The following OGDH variants were observed in gnomAD, a reference collection of about 807,000 sequenced individuals.
OGDH encodes oxoglutarate dehydrogenase, also known as 2-oxoglutarate dehydrogenase complex component E1.
Under a neutral mutation model 116.6 loss-of-function variants are expected in OGDH, and 38 were observed. The observed-to-expected ratio is 0.33, with a 90% CI of 0.25 to 0.43. OGDH has a LOEUF of 0.43. Among genes scored for constraint, OGDH ranks in the 20% least tolerant of loss-of-function variants. The pLI is 1.00. For synonymous variants in OGDH, 488 were observed against 533.3 expected (o/e 0.92, Z 1.17); for missense variants, 825 against 1,357.2 (o/e 0.61, Z 6.16).
chr7:44,655,356 G>A (rs1463428058), intron 4 of OGDH, among the ~76,000 whole-genome samples: 1 of 152,196 alleles, frequency 6.6e-6, no homozygotes, highest in African/African-American at 2.4e-5. Context: ...GTTCTTCAGT[G>A]GTTGTTGTTC....
At chr7:44,640,207 A>G (rs192331230) in intron 2 of OGDH, among the ~76,000 whole-genome samples, 7 of 152,296 alleles carry the variant, frequency 4.6e-5, no homozygotes, top group African/African-American at 1.4e-4. Flanking sequence ...AGGTTAAGCT[A>G]GGGTAAGAGG....
intron 4 of OGDH, among the ~76,000 whole-genome samples, chr7:44,649,817 A>G (rs1471708727): frequency 6.6e-6 from 1 of 152,204 alleles, no homozygotes; most frequent in South Asian, 2.1e-4. Flanking sequence ...GAATCTGGGA[A>G]TCTCTTCCCA....
chr7:44,653,674 C>T lies in OGDH; in HGVS notation c.517+5915C>T, dbSNP rs1213520350. On this transcript the variant is annotated intron_variant, in intron 4 of 22. Coordinates refer to ENST00000222673, the MANE Select transcript of OGDH (RefSeq NM_002541.4). Reference sequence around the variant, plus strand: ...CTGAGTAGCTGAGACTACAGGCATGCGCCACCACACCAGGCTAATTTTTGT... The same window carrying T: ...CTGAGTAGCTGAGACTACAGGCATGTGCCACCACACCAGGCTAATTTTTGT... Among the ~76,000 whole-genome samples, 13 of 151,924 alleles carry T rather than the reference C, an allele frequency of 8.6e-5. No homozygotes were observed. In the East Asian group the frequency reaches 1.2e-3, roughly 14 times the overall value.
intron 4 of OGDH, among the ~76,000 whole-genome samples, chr7:44,658,793 G>T (rs753754527): frequency 1.8e-4 from 27 of 151,932 alleles, no homozygotes; most frequent in Non-Finnish European, 3.4e-4. Context: ...ATTGAATTTT[G>T]TCAGATGTTT....
intron 2 of OGDH, among the ~76,000 whole-genome samples, chr7:44,640,926 G>A (rs1785904408): frequency 1.3e-5 from 2 of 149,644 alleles, no homozygotes; most frequent in Non-Finnish European, 1.5e-5. Flanking sequence ...ACAGAGTCTC[G>A]CTCTGTCGCC....
At chr7:44,695,138 C>T (rs1788525525) in intron 12 of OGDH, among the ~76,000 whole-genome samples, 1 of 152,092 alleles carries the variant, frequency 6.6e-6, no homozygotes, top group Non-Finnish European at 1.5e-5. Context: ...CTCTGTCACC[C>T]AGGCTGGAGT....
Position 44,666,732 on chromosome 7 carries a change from G to A in OGDH, c.518-4G>A, listed in dbSNP as rs763912128. ...TGGCTTGTCCTGCCCACATCGCCCT[G>A]CAGGGTTCTATGGCCTGGATGAGTC... On this transcript the variant is annotated splice_polypyrimidine_tract_variant and splice_region_variant and intron_variant, in intron 4 of 22. Transcript: ENST00000222673. The A allele has an allele frequency of 6.3e-7, 1 of 1,596,080 alleles. No individual in the cohort carries two copies. Among genetic ancestry groups the A allele is most frequent in the Non-Finnish European group, 8.6e-7 (1 of 1,167,934 alleles).
chr7:44,612,280 C>T lies in OGDH; in HGVS notation c.-28+5627C>T, dbSNP rs1220446693. On this transcript the variant is annotated intron_variant, in intron 1 of 22. Coordinates refer to ENST00000222673, the MANE Select transcript of OGDH (RefSeq NM_002541.4). ...TTTGTGTCTATCCCATCACCAATAC[C>T]GAGAGTTTTTATTATTGTAGCTCAT... is the stretch of plus-strand genomic sequence containing the variant. 3.3e-5 allele frequency among the ~76,000 whole-genome samples: 5 copies of T among 152,086 alleles called. No individual in the cohort carries two copies. In the East Asian group the frequency reaches 5.8e-4, roughly 18 times the overall value.
In OGDH at chr7:44,708,265, C is replaced by T. The variant is rs1041842190; in HGVS notation, c.*266C>T. ...GAGCAGGAGGAGGAAAGGTAGCCCC[C>T]GAGGGATGTCCTTGGGGAGGGGTCA... is the stretch of plus-strand genomic sequence containing the variant. On this transcript the variant is annotated 3_prime_UTR_variant, in exon 23 of 23. Coordinates refer to ENST00000222673, the MANE Select transcript of OGDH (RefSeq NM_002541.4). 1.7e-5 allele frequency: 7 copies of T among 419,650 alleles called. No individual in the cohort carries two copies. The highest frequency in any genetic ancestry group is 1.4e-4 in the South Asian group (5 of 35,302). 26.0% of individuals were successfully genotyped at this position (419,650 alleles called of 1,614,324 possible).
At chr7:44,657,264 C>G (rs1249350185) in intron 4 of OGDH, among the ~76,000 whole-genome samples, 1 of 152,214 alleles carries the variant, frequency 6.6e-6, no homozygotes, top group African/African-American at 2.4e-5. Context: ...ATCCCAGCCA[C>G]TACTTGTATT....
At chr7:44,699,287 G>T (rs576881871) in intron 18 of OGDH, among the ~76,000 whole-genome samples, 20 of 151,500 alleles carry the variant, frequency 1.3e-4, no homozygotes, top group South Asian at 1.0e-3. Context: ...TTATTCAGGC[G>T]TGGTGGCGGG....
intron 10 of OGDH, among the ~76,000 whole-genome samples, chr7:44,686,452 A>T: frequency 6.6e-6 from 1 of 152,076 alleles, no homozygotes; most frequent in East Asian, 1.9e-4. Flanking sequence ...CAAATGTGGA[A>T]TTTTTGTCTT....
intron 20 of OGDH, among the ~76,000 whole-genome samples, chr7:44,705,612 C>T (rs1001939787): frequency 6.6e-6 from 1 of 152,098 alleles, no homozygotes; most frequent in Non-Finnish European, 1.5e-5. Flanking sequence ...AATCGTAGCT[C>T]ACTGCAGCCT....
intron 1 of OGDH, among the ~76,000 whole-genome samples, chr7:44,615,491 A>G (rs1329411124): frequency 2.0e-5 from 3 of 152,176 alleles, no homozygotes; most frequent in African/African-American, 7.2e-5. Context: ...CCAGGTGGGG[A>G]TGAAAGTCCC....
At chr7:44,703,829 G>A (rs1788947191) in intron 20 of OGDH, among the ~76,000 whole-genome samples, 1 of 151,930 alleles carries the variant, frequency 6.6e-6, no homozygotes. Context: ...AGGTTGTGGT[G>A]AGCCAAGATC....
chr7:44,698,114 G>T, intron 17 of OGDH, 78 bp from the exon 18 acceptor site: 1 of 1,467,522 alleles, frequency 6.8e-7, no homozygotes, highest in Non-Finnish European at 9.4e-7. Flanking sequence ...TGAGCTAGTT[G>T]GTTGAGGAGG....
chr7:44,691,621 CTT>C (rs1788368115), intron 10 of OGDH, among the ~76,000 whole-genome samples: 2 of 151,928 alleles, frequency 1.3e-5, no homozygotes. Flanking sequence ...GCAGAAGCGT[CTT>C]TGCATAAAAT....
intron 2 of OGDH, among the ~76,000 whole-genome samples, chr7:44,638,830 C>G (rs1405917366): frequency 1.3e-5 from 2 of 152,236 alleles, no homozygotes; most frequent in Non-Finnish European, 2.9e-5. Context: ...CTTTGACTCT[C>G]TCTTCCAGAA....
At chr7:44,682,902 A>G (rs969569814) in intron 10 of OGDH, among the ~76,000 whole-genome samples, 10 of 151,994 alleles carry the variant, frequency 6.6e-5, no homozygotes, top group African/African-American at 2.4e-4. Flanking sequence ...TAATCCCAGC[A>G]CTTTGGGCGG....
Sources: allele counts gnomAD v4.1 joint callset (sites outside exome capture counted in the v4.1 genomes callset), GRCh38; gene constraint gnomAD v4.1.1; transcripts MANE v1.5; gene names NCBI Gene and HGNC (gene_info 2026-07-23, HGNC 2026-07-21).